Variants in RAD51B observed in about 807,000 individuals in gnomAD.
RAD51B encodes the protein RAD51 paralog B, also known as DNA repair protein RAD51 homolog 2.
A neutral mutation model predicts 42.2 loss-of-function variants in RAD51B; 38 were observed. The ratio of observed to expected loss-of-function variants is 0.90; its 90% CI spans 0.70 to 1.18. The LOEUF is 1.18. Ranked by LOEUF, RAD51B falls within the 50% of genes most tolerant of loss-of-function variation. The pLI is 0.00. For missense variants in RAD51B, 373 were observed against 400.7 expected, an observed-to-expected ratio of 0.93 and a Z score of 0.59; for synonymous variants, 154 against 145.2, an observed-to-expected ratio of 1.06 and a Z score of -0.43.
chr14:68,546,159 A>G (rs1254733939), intron 10 of RAD51B, among the ~76,000 whole-genome samples: 2 of 152,234 alleles, frequency 1.3e-5, no homozygotes, highest in Non-Finnish European at 2.9e-5. Context: ...GTGTTTAGAC[A>G]GTTGTCTCCA....
chr14:67,899,664 GAA>G (rs1383259381), intron 7 of RAD51B, among the ~76,000 whole-genome samples: 9 of 152,262 alleles, frequency 5.9e-5, no homozygotes. Flanking sequence ...CATTGACATT[GAA>G]AAAATTTCTA....
At position 68,541,718 on chromosome 14, in the gene RAD51B, A is replaced by G. The variant is rs113308121; in HGVS notation, c.1037-52767A>G. On this transcript the variant is annotated intron_variant, in intron 10 of 10. Transcript: ENST00000487270. ...ATTTCTTAAAGAAGAAAAAGCTGGC[A>G]AAGTGGAATTTGTAGTAACAGCTGT... 37 of 985,494 alleles carry G rather than the reference A, an allele frequency of 3.8e-5. 1 individual carries two copies. The highest frequency in any genetic ancestry group is 3.5e-4 in the African/African-American group (20 of 57,374). The allele number at this position is 985,494 out of a possible 1,614,324, so 61.0% of individuals were successfully genotyped here.
downstream of RAD51B, among the ~76,000 whole-genome samples, chr14:68,598,279 G>A (rs1320090567): frequency 6.6e-6 from 1 of 152,016 alleles, no homozygotes; most frequent in Non-Finnish European, 1.5e-5. Flanking sequence ...TTTAACAGAC[G>A]TCTACTAGAC....
At chr14:68,516,001 G>A (rs962043520) in intron 10 of RAD51B, among the ~76,000 whole-genome samples, 2 of 151,574 alleles carry the variant, frequency 1.3e-5, no homozygotes, top group African/African-American at 4.8e-5. Flanking sequence ...TAGCCAGGAT[G>A]GTCTCGATCT....
At chr14:68,564,863 G>T (rs556783046) in intron 10 of RAD51B, among the ~76,000 whole-genome samples, 114 of 152,316 alleles carry the variant, frequency 7.5e-4, no homozygotes, top group Non-Finnish European at 1.2e-3. Context: ...CTGGCTGAGG[G>T]GACCTCAGAG....
intron 7 of RAD51B, among the ~76,000 whole-genome samples, chr14:68,282,128 C>T (rs564281764): frequency 1.2e-4 from 19 of 152,054 alleles, no homozygotes; most frequent in Non-Finnish European, 1.9e-4. Context: ...ATTACAGGCA[C>T]GCACCACAAC....
intron 7 of RAD51B, among the ~76,000 whole-genome samples, chr14:67,966,001 G>A (rs774634355): frequency 6.6e-5 from 10 of 152,154 alleles, no homozygotes; most frequent in Non-Finnish European, 1.5e-4. Flanking sequence ...AAATTGGTTT[G>A]CAATAGTATT....
intron 7 of RAD51B, among the ~76,000 whole-genome samples, chr14:68,040,152 ATTAAAGTATAGCTTCTAAGAC>A (rs1434191240): frequency 2.0e-5 from 3 of 152,252 alleles, no homozygotes; most frequent in African/African-American, 7.2e-5. Context: ...GTATCATTTG[ATTAAAGTATAGCTTCTAAGAC>A]TTAAATGACC....
At chr14:67,894,382 A>ATTT (rs2043336922) in intron 7 of RAD51B, among the ~76,000 whole-genome samples, 1 of 151,958 alleles carries the variant, frequency 6.6e-6, no homozygotes, top group South Asian at 2.1e-4. Flanking sequence ...ACCCTCCTTT[A>ATTT]TCTGGTTAAC....
intron 11 of RAD51B, among the ~76,000 whole-genome samples, chr14:68,673,569 CACATACACATACTGT>C (rs1156899110): frequency 7.3e-5 from 11 of 151,688 alleles, no homozygotes; most frequent in African/African-American, 2.4e-4. Flanking sequence ...TGTATGCACA[CACATACACATACTGT>C]ACATACACAT....
intron 7 of RAD51B, among the ~76,000 whole-genome samples, chr14:68,056,807 G>A (rs955520559): frequency 2.0e-4 from 31 of 151,744 alleles, no homozygotes; most frequent in African/African-American, 6.8e-4. Flanking sequence ...GGCCAGGCGC[G>A]GTGGCTCACA....
chr14:68,010,043 A>G (rs1245564487), intron 7 of RAD51B, among the ~76,000 whole-genome samples: 2 of 151,764 alleles, frequency 1.3e-5, no homozygotes, highest in African/African-American at 4.8e-5. Context: ...TAGTTTCTCA[A>G]TTTTGTTTTG....
intron 10 of RAD51B, among the ~76,000 whole-genome samples, chr14:68,529,316 C>T (rs1485005659): frequency 1.3e-5 from 2 of 152,226 alleles, no homozygotes; most frequent in African/African-American, 4.8e-5. Flanking sequence ...CCCACATCAG[C>T]CTCCCCAGCA....
At chr14:68,251,375 C>G (rs182006743) in intron 7 of RAD51B, among the ~76,000 whole-genome samples, 2 of 152,028 alleles carry the variant, frequency 1.3e-5, no homozygotes, top group African/African-American at 4.8e-5. Flanking sequence ...AAGAGCCAAG[C>G]GTGTGTTTTT....
chr14:68,004,228 G>A (rs192420801), intron 7 of RAD51B, among the ~76,000 whole-genome samples: 2,627 of 151,206 alleles, frequency 0.017, 67 homozygotes, highest in African/African-American at 0.059. Flanking sequence ...AGCTACTCGG[G>A]ACGCTGAGGC....
At chr14:68,102,776 G>T (rs781056420) in intron 7 of RAD51B, among the ~76,000 whole-genome samples, 14 of 152,032 alleles carry the variant, frequency 9.2e-5, no homozygotes, top group Non-Finnish European at 1.8e-4. Flanking sequence ...TATCCTTATA[G>T]CAGCACCCCA....
chr14:68,665,445 T>C (rs1299763889), intron 11 of RAD51B, among the ~76,000 whole-genome samples: 1 of 152,256 alleles, frequency 6.6e-6, no homozygotes, highest in African/African-American at 2.4e-5. Flanking sequence ...TCCCTATTAG[T>C]CATATGTGTG....
intron 9 of RAD51B, among the ~76,000 whole-genome samples, chr14:68,421,116 T>G (rs930478644): frequency 6.6e-6 from 1 of 152,148 alleles, no homozygotes; most frequent in Non-Finnish European, 1.5e-5. Flanking sequence ...ATGAGGAGCT[T>G]CTTCTTGCTT....
chr14:67,944,091 CA>C (rs1043386700), intron 7 of RAD51B, among the ~76,000 whole-genome samples: 9 of 151,618 alleles, frequency 5.9e-5, no homozygotes, highest in African/African-American at 2.2e-4. Flanking sequence ...ACAGTACAGC[CA>C]GGGGGAGTGG....
Sources: gnomAD v4.1 joint callset for allele counts (sites outside exome capture counted in the v4.1 genomes callset) on GRCh38, gnomAD v4.1.1 for gene constraint, MANE v1.5 for transcripts, NCBI Gene and HGNC (gene_info 2026-07-23, HGNC 2026-07-21) for gene names.